Variants in CDH4 observed in about 807,000 individuals in gnomAD.
CDH4 encodes cadherin-4.
Under a neutral mutation model 86.0 loss-of-function variants are expected in CDH4, and 33 were observed. That is an observed-to-expected ratio of 0.38 (90% CI 0.29 to 0.51). The LOEUF (loss-of-function observed/expected upper bound fraction) is 0.51. CDH4 is among the 20% of genes least tolerant of loss of function. The probability of loss-of-function intolerance (pLI) is 0.86; values close to 1 mark genes in which losing one functional copy is unlikely to be tolerated. For missense variants in CDH4, 1,114 were observed against 1,307.4 expected (o/e 0.85, Z 2.28); for synonymous variants, 555 against 549.4 (o/e 1.01, Z -0.14).
chr20:61,807,392 C>T lies in CDH4; in HGVS notation c.576+34210C>T, dbSNP rs1413102349. Among the ~76,000 whole-genome samples, 1 of 152,230 alleles carries T rather than the reference C, an allele frequency of 6.6e-6. No individual in the cohort carries two copies. The highest frequency in any genetic ancestry group is 1.9e-4 in the East Asian group (1 of 5,188). ...TTCCCTGAGCTGTAGAGTTTACCCT[C>T]AGCTTCTCGTAACAGGGTGTCTGGG... is the stretch of plus-strand genomic sequence containing the variant. On this transcript the variant is annotated intron_variant, in intron 4 of 15. Transcript: ENST00000614565. The surrounding 1 kb of genome is among the most constrained non-coding windows in gnomAD (Gnocchi z 4.5).
At chr20:61,597,863 G>C (rs1017575848) in intron 2 of CDH4, among the ~76,000 whole-genome samples, 6 of 152,200 alleles carry the variant, frequency 3.9e-5, no homozygotes, top group Non-Finnish European at 8.8e-5. Context: ...CGTGGAGTGA[G>C]CCTCAGAGGG....
rs1381543873 is a variant in CDH4 at position 61,676,224 on chromosome 20, C to T, written c.170-67339C>T. Among the ~76,000 whole-genome samples the T allele has an allele frequency of 4.6e-5, 7 of 151,972 alleles. No individual in the cohort carries two copies. The highest frequency in any genetic ancestry group is 2.6e-4 in the Admixed American group (4 of 15,270). ...ATTAACATTCGCCTGGTGTCAGGAA[C>T]GGTCAGGAACGGTGGGCTGTAATTG... On this transcript the variant is annotated intron_variant, in intron 2 of 15. Coordinates refer to ENST00000614565, the MANE Select transcript of CDH4 (RefSeq NM_001794.5). This position sits in a 1 kb window ranked among gnomAD's most constrained non-coding sequence, Gnocchi z 4.5.
chr20:61,312,532 G>A (rs763872502), intron 2 of CDH4, among the ~76,000 whole-genome samples: 6 of 152,042 alleles, frequency 3.9e-5, no homozygotes, highest in Non-Finnish European at 8.8e-5. Context: ...GGTCCGTATT[G>A]GGGACCCCTT....
chr20:61,315,311 C>T (rs569420908), intron 2 of CDH4, among the ~76,000 whole-genome samples: 6 of 152,136 alleles, frequency 3.9e-5, no homozygotes, highest in Non-Finnish European at 8.8e-5. Flanking sequence ...GATGCCAGAC[C>T]GATGCCTGGT....
chr20:61,814,598 T>C (rs1601015780), intron 4 of CDH4, among the ~76,000 whole-genome samples: 1 of 152,258 alleles, frequency 6.6e-6, no homozygotes, highest in Admixed American at 6.5e-5. Flanking sequence ...TTTGCAGCGA[T>C]GTGGAAATGG....
intron 9 of CDH4, among the ~76,000 whole-genome samples, chr20:61,912,613 T>C (rs1436929268): frequency 1.3e-5 from 2 of 152,242 alleles, no homozygotes; most frequent in Non-Finnish European, 2.9e-5. Flanking sequence ...TAAATTAGCA[T>C]GTCACAGCAT....
At chr20:61,853,860 T>C (rs1051068291) in intron 6 of CDH4, among the ~76,000 whole-genome samples, 1 of 152,134 alleles carries the variant, frequency 6.6e-6, no homozygotes, top group Non-Finnish European at 1.5e-5. Flanking sequence ...GGACAAACCT[T>C]TGCCCGGCTT....
chr20:61,325,941 C>A (rs1160518865), intron 2 of CDH4, among the ~76,000 whole-genome samples: 1 of 152,182 alleles, frequency 6.6e-6, no homozygotes, highest in African/African-American at 2.4e-5. Context: ...AGTGCCGTGC[C>A]ATTCCCAGCT....
chr20:61,809,852 G>A (rs559798033), intron 4 of CDH4, among the ~76,000 whole-genome samples: 12 of 152,318 alleles, frequency 7.9e-5, no homozygotes, highest in South Asian at 6.2e-4. Context: ...CGGTGAGGTC[G>A]GAGCACAGCG....
chr20:61,723,320 G>T (rs2088064044), intron 2 of CDH4, among the ~76,000 whole-genome samples: 1 of 152,204 alleles, frequency 6.6e-6, no homozygotes, highest in Non-Finnish European at 1.5e-5. Flanking sequence ...CCCCCGTCCT[G>T]GCTCCTCAGC....
intron 2 of CDH4, among the ~76,000 whole-genome samples, chr20:61,561,401 G>C (rs1179048856): frequency 6.6e-6 from 1 of 152,252 alleles, no homozygotes; most frequent in Non-Finnish European, 1.5e-5. Context: ...AGCAGTGGGT[G>C]ATTGCTCCCA....
At chr20:61,779,574 C>T (rs979659411) in intron 4 of CDH4, among the ~76,000 whole-genome samples, 2 of 152,384 alleles carry the variant, frequency 1.3e-5, no homozygotes, top group African/African-American at 2.4e-5. Context: ...TGAAGTGCAA[C>T]GTTTCCTTCA....
chr20:61,561,066 G>A (rs148590713), intron 2 of CDH4, among the ~76,000 whole-genome samples: 23 of 152,318 alleles, frequency 1.5e-4, no homozygotes, highest in Non-Finnish European at 2.8e-4. Flanking sequence ...CCTCTGAGGT[G>A]CCCGAGCACT....
intron 2 of CDH4, among the ~76,000 whole-genome samples, chr20:61,572,653 G>T (rs374911574): frequency 6.6e-6 from 1 of 152,230 alleles, no homozygotes; most frequent in Non-Finnish European, 1.5e-5. Context: ...AGGACAGCGC[G>T]TCTTTGTATG....
At chr20:61,745,010 C>T (rs1024794871) in intron 3 of CDH4, among the ~76,000 whole-genome samples, 5 of 152,202 alleles carry the variant, frequency 3.3e-5, no homozygotes, top group African/African-American at 1.2e-4. Flanking sequence ...GCCTGAGGGG[C>T]CCCAGTGGTG....
chr20:61,654,843 C>G (rs899232830), intron 2 of CDH4, among the ~76,000 whole-genome samples: 1 of 152,214 alleles, frequency 6.6e-6, no homozygotes, highest in Non-Finnish European at 1.5e-5. Context: ...CGCTGCAGCC[C>G]GGGAAGGGGC....
In CDH4 at chr20:61,652,938, A is replaced by ATTTTTTTTTTTTTTTTTTTT; in HGVS notation, c.170-90608_170-90607insTTTTTTTTTTTTTTTTTTTT. Among the ~76,000 whole-genome samples the ATTTTTTTTTTTTTTTTTTTT allele has an allele frequency of 2.2e-3, 209 of 96,904 alleles. 3 individuals are homozygous for ATTTTTTTTTTTTTTTTTTTT. Among genetic ancestry groups the ATTTTTTTTTTTTTTTTTTTT allele is most frequent in the Middle Eastern group, 5.4e-3 (1 of 186 alleles). 63.6% of individuals were successfully genotyped at this position (96,904 alleles called of 152,430 possible). A position where few individuals can be genotyped will look rare whatever the true frequency, so the allele number is the denominator to read the frequency against. ...TTTGAATTTATTTATTTATTTATTT[A>ATTTTTTTTTTTTTTTTTTTT]TTTTTTTTTTTTTTTTTATTGATCA... On this transcript the variant is annotated intron_variant, in intron 2 of 15. Coordinates refer to ENST00000614565, the MANE Select transcript of CDH4 (RefSeq NM_001794.5).
intron 2 of CDH4, among the ~76,000 whole-genome samples, chr20:61,460,321 G>A (rs2085434597): frequency 6.6e-6 from 1 of 152,088 alleles, no homozygotes; most frequent in South Asian, 2.1e-4. Context: ...GCAGAAAAAG[G>A]CTGCTCTGTC....
Position 61,565,231 on chromosome 20 carries a change from T to A in CDH4, c.170-178332T>A, listed in dbSNP as rs867248461. ...CGGTGCTCTCGGTGGTAGGTGGTGG[T>A]GGTGGTGGTGGCGGTGCTCTTGGTG... On this transcript the variant is annotated intron_variant, in intron 2 of 15. Transcript: ENST00000614565. Among the ~76,000 whole-genome samples, 33 of 45,776 alleles carry A rather than the reference T, an allele frequency of 7.2e-4. 3 individuals are homozygous for A. Among genetic ancestry groups the A allele is most frequent in the African/African-American group, 1.9e-3 (23 of 11,868 alleles). 30.0% of individuals were successfully genotyped at this position (45,776 alleles called of 152,430 possible). A position where few individuals can be genotyped will look rare whatever the true frequency, so the allele number is the denominator to read the frequency against.
Sources: allele counts gnomAD v4.1 joint callset (sites outside exome capture counted in the v4.1 genomes callset), GRCh38; gene constraint gnomAD v4.1.1; non-coding constraint Gnocchi (gnomAD v3.1); transcripts MANE v1.5; gene names NCBI Gene and HGNC (gene_info 2026-07-23, HGNC 2026-07-21).